The following TTC28 variants were observed in gnomAD, a reference collection of about 807,000 sequenced individuals.
TTC28 encodes tetratricopeptide repeat protein 28.
TTC28 carries 61 observed loss-of-function variants against 198.0 expected under a neutral mutation model. That is an observed-to-expected ratio of 0.31 (90% confidence interval 0.25 to 0.38). The LOEUF is 0.38. Among genes scored for constraint, TTC28 ranks in the 10% least tolerant of loss-of-function variants. The pLI is 1.00. For missense variants in TTC28, 2,678 were observed against 3,164.0 expected (o/e 0.85, Z 3.69); for synonymous variants, 1,171 against 1,297.8 (o/e 0.90, Z 2.10).
rs1341381173 is a variant in TTC28 at position 28,537,288 on chromosome 22, G to A, written c.381+92264C>T. ...AGCCTGGGCGACAGAGCCAGACTCC[G>A]TCTCAAAAATAAAATAAAATAAAAT... On this transcript the variant is annotated intron_variant, in intron 2 of 22. Coordinates refer to ENST00000397906, the MANE Select transcript of TTC28 (RefSeq NM_001145418.2). Among the ~76,000 whole-genome samples, 14 of 77,520 alleles carry A rather than the reference G, an allele frequency of 1.8e-4. 2 individuals are homozygous for A. Among genetic ancestry groups the A allele is most frequent in the African/African-American group, 5.7e-4 (8 of 13,926 alleles). 50.9% of individuals were successfully genotyped at this position (77,520 alleles called of 152,430 possible).
At position 28,247,050 on chromosome 22, in the gene TTC28, C is replaced by G. The variant is rs116879509; in HGVS notation, c.933+49148G>C. On this transcript the variant is annotated intron_variant, in intron 5 of 22. Coordinates refer to ENST00000397906, the MANE Select transcript of TTC28 (RefSeq NM_001145418.2). ...AGATCTGTCTGACCCTGGGCAGTTACGCCAAATATAAAAGAAAAATGATTA... is the reference window on the plus strand; with the variant it reads ...AGATCTGTCTGACCCTGGGCAGTTAGGCCAAATATAAAAGAAAAATGATTA... 1.7e-3 allele frequency among the ~76,000 whole-genome samples: 254 copies of G among 152,242 alleles called. 8 individuals are homozygous for G. The East Asian group carries it at 0.044, about 26-fold the overall frequency.
At chr22:28,079,534 C>T (rs1264018131) in intron 12 of TTC28, among the ~76,000 whole-genome samples, 3 of 152,032 alleles carry the variant, frequency 2.0e-5, no homozygotes, top group South Asian at 2.1e-4. Context: ...TCCCTGAGGA[C>T]CACCATTCTA....
chr22:28,116,959 A>G (rs1296007451), intron 6 of TTC28, among the ~76,000 whole-genome samples: 2 of 152,116 alleles, frequency 1.3e-5, no homozygotes, highest in Non-Finnish European at 2.9e-5. Flanking sequence ...GGCTTGGATT[A>G]CCTTTCTTGC....
intron 9 of TTC28, among the ~76,000 whole-genome samples, chr22:28,099,357 CA>C (rs1313714563): frequency 6.6e-6 from 1 of 152,218 alleles, no homozygotes; most frequent in Admixed American, 6.5e-5. Flanking sequence ...AGCTCAGAGC[CA>C]CTATTGTCTT....
At chr22:28,159,284 T>C (rs1943829353) in intron 6 of TTC28, among the ~76,000 whole-genome samples, 1 of 152,148 alleles carries the variant, frequency 6.6e-6, no homozygotes, top group African/African-American at 2.4e-5. Flanking sequence ...AAGGGAACCC[T>C]AGCACACTGT....
In TTC28 at chr22:28,227,914, C is replaced by T. The variant is rs1024395352; in HGVS notation, c.934-64315G>A. Among the ~76,000 whole-genome samples, 9 of 152,212 alleles carry T rather than the reference C, an allele frequency of 5.9e-5. 1 individual carries two copies. The South Asian group carries it at 6.2e-4, about 11-fold the overall frequency. On this transcript the variant is annotated intron_variant, in intron 5 of 22. Coordinates refer to ENST00000397906, the MANE Select transcript of TTC28 (RefSeq NM_001145418.2). ...GCAGGACCTCAAATAGATATTTGCA[C>T]GTCCATGTTTATAGCAGCATTATTC...
At chr22:28,223,739 C>T (rs535536804) in intron 5 of TTC28, among the ~76,000 whole-genome samples, 1 of 152,214 alleles carries the variant, frequency 6.6e-6, no homozygotes, top group African/African-American at 2.4e-5. Context: ...AACATTTTTC[C>T]ACTATATCTC....
At chr22:28,531,490 A>G (rs550262279) in intron 2 of TTC28, among the ~76,000 whole-genome samples, 213 of 152,274 alleles carry the variant, frequency 1.4e-3, no homozygotes, top group African/African-American at 4.9e-3. Flanking sequence ...GTCAACATTA[A>G]ACAGATCAAT....
At chr22:28,391,562 A>C (rs1004384313) in intron 2 of TTC28, among the ~76,000 whole-genome samples, 31 of 151,574 alleles carry the variant, frequency 2.0e-4, no homozygotes, top group African/African-American at 7.5e-4. Flanking sequence ...TTTTTCTCTA[A>C]ACTTCCCTTC....
At chr22:28,108,497 G>T in intron 6 of TTC28, 94 bp from the exon 7 acceptor site, 1 of 1,131,736 alleles carries the variant, frequency 8.8e-7, no homozygotes, top group Non-Finnish European at 1.2e-6. Context: ...ATAGTAAAAT[G>T]CAATCCAGAT....
intron 2 of TTC28, among the ~76,000 whole-genome samples, chr22:28,356,996 A>T (rs1461014254): frequency 2.6e-5 from 4 of 152,194 alleles, no homozygotes; most frequent in Non-Finnish European, 5.9e-5. Flanking sequence ...TAATAATAAT[A>T]ATAATGTCTG....
intron 2 of TTC28, among the ~76,000 whole-genome samples, chr22:28,478,706 G>C (rs532451589): frequency 1.3e-5 from 2 of 152,090 alleles, no homozygotes; most frequent in Non-Finnish European, 2.9e-5. Flanking sequence ...ATATATGTTT[G>C]AAAATTTCCA....
At chr22:28,472,308 G>A (rs2048106267) in intron 2 of TTC28, among the ~76,000 whole-genome samples, 1 of 152,012 alleles carries the variant, frequency 6.6e-6, no homozygotes. Flanking sequence ...AAGCATAATG[G>A]TAAAGACTGA....
intron 6 of TTC28, among the ~76,000 whole-genome samples, chr22:28,143,402 T>A (rs950669011): frequency 1.3e-5 from 2 of 152,238 alleles, no homozygotes; most frequent in Non-Finnish European, 2.9e-5. Flanking sequence ...AGATGGTCCA[T>A]GCTTAGCAAA....
intron 2 of TTC28, among the ~76,000 whole-genome samples, chr22:28,512,259 A>G (rs2048699720): frequency 6.6e-6 from 1 of 152,222 alleles, no homozygotes; most frequent in South Asian, 2.1e-4. Flanking sequence ...ATATCACACC[A>G]GTCAGAATGG....
At chr22:28,376,932 T>C (rs995114958) in intron 2 of TTC28, among the ~76,000 whole-genome samples, 9 of 151,974 alleles carry the variant, frequency 5.9e-5, no homozygotes, top group African/African-American at 1.7e-4. Flanking sequence ...CCAGAGCTCA[T>C]AGAAACAGGA....
chr22:28,192,785 A>T (rs1169812399), intron 5 of TTC28, among the ~76,000 whole-genome samples: 1 of 152,222 alleles, frequency 6.6e-6, no homozygotes, highest in Non-Finnish European at 1.5e-5. Context: ...GAAATATGGG[A>T]CTATGAGAAA....
chr22:28,594,184 AAAT>A (rs2050493465), intron 2 of TTC28, among the ~76,000 whole-genome samples: 2 of 151,648 alleles, frequency 1.3e-5, no homozygotes, highest in East Asian at 1.9e-4. Flanking sequence ...TTTTTAAACT[AAAT>A]AATAAGCTAA....
At chr22:28,161,820 AGGAG>A (rs1371857752) in intron 6 of TTC28, among the ~76,000 whole-genome samples, 3 of 122,744 alleles carry the variant, frequency 2.4e-5, no homozygotes, top group South Asian at 6.4e-4. Flanking sequence ...GAAGGAGGGA[AGGAG>A]GGAGGGAGGG....
Sources: gnomAD v4.1 joint callset for allele counts (sites outside exome capture counted in the v4.1 genomes callset) on GRCh38, gnomAD v4.1.1 for gene constraint, MANE v1.5 for transcripts, NCBI Gene and HGNC (gene_info 2026-07-23, HGNC 2026-07-21) for gene names.